The following BBOX1 variants were observed in gnomAD, a reference collection of about 807,000 sequenced individuals.
BBOX1 encodes the protein gamma-butyrobetaine hydroxylase 1, also known as gamma-butyrobetaine dioxygenase.
In BBOX1, 35 loss-of-function variants were observed where a neutral mutation model predicts 41.6. That is an observed-to-expected ratio of 0.84 (90% confidence interval 0.64 to 1.11). BBOX1 has a LOEUF of 1.11. BBOX1 is among the 50% of genes most tolerant of loss of function. The pLI is 0.00. For missense variants in BBOX1, 458 were observed against 460.6 expected, an observed-to-expected ratio of 0.99 and a Z score of 0.05; for synonymous variants, 163 against 154.7, an observed-to-expected ratio of 1.05 and a Z score of -0.40.
chr11:27,044,400 T>C (rs146943533), intron 2 of BBOX1, among the ~76,000 whole-genome samples: 136 of 152,308 alleles, frequency 8.9e-4, no homozygotes, highest in African/African-American at 3.2e-3. Context: ...CTATTCACTC[T>C]GATGATAGTT....
intron 7 of BBOX1, among the ~76,000 whole-genome samples, chr11:27,122,277 G>A (rs552424290): frequency 3.3e-5 from 5 of 151,934 alleles, no homozygotes; most frequent in African/African-American, 7.3e-5. Context: ...ATTCAATCAC[G>A]TAAATTCAAG....
chr11:27,067,192 CTTTT>C (rs1301326657), intron 4 of BBOX1, among the ~76,000 whole-genome samples: 3 of 151,786 alleles, frequency 2.0e-5, no homozygotes, highest in African/African-American at 7.3e-5. Flanking sequence ...TGAGAGTTTT[CTTTT>C]TTGTTTGTTT....
intron 2 of BBOX1, among the ~76,000 whole-genome samples, chr11:27,043,611 A>T (rs990686965): frequency 1.3e-5 from 2 of 152,068 alleles, no homozygotes; most frequent in African/African-American, 4.8e-5. Context: ...ACCCCGCCAC[A>T]GGCCCTGGTA....
At chr11:27,119,981 AG>A (rs944832721) in intron 7 of BBOX1, 136 bp downstream of exon 7, 2 of 527,310 alleles carry the variant, frequency 3.8e-6, no homozygotes, top group African/African-American at 4.0e-5. Context: ...CCAATTTTAG[AG>A]TGATAGTATT....
chr11:27,054,226 T>TGC (rs1564953601), intron 2 of BBOX1, among the ~76,000 whole-genome samples: 3 of 151,248 alleles, frequency 2.0e-5, no homozygotes, highest in African/African-American at 4.8e-5. Context: ...TGTGTGTGTG[T>TGC]GTGTGTGTGC....
intron 4 of BBOX1, among the ~76,000 whole-genome samples, chr11:27,068,173 T>C (rs574672171): frequency 6.6e-6 from 1 of 152,292 alleles, no homozygotes; most frequent in African/African-American, 2.4e-5. Flanking sequence ...ATAAAGATTG[T>C]CCTAATTTAC....
intron 7 of BBOX1, among the ~76,000 whole-genome samples, chr11:27,124,892 G>A (rs1381570278): frequency 1.3e-5 from 2 of 152,186 alleles, no homozygotes; most frequent in African/African-American, 2.4e-5. Context: ...TTGAGAAAGA[G>A]AATAGAGATC....
chr11:27,053,793 G>T (rs891777371), intron 2 of BBOX1, among the ~76,000 whole-genome samples: 4 of 152,056 alleles, frequency 2.6e-5, no homozygotes, highest in South Asian at 2.1e-4. Flanking sequence ...TATAATTTTT[G>T]ATTATTTTTA....
chr11:27,086,845 A>C (rs546011640), intron 4 of BBOX1, among the ~76,000 whole-genome samples: 1 of 152,242 alleles, frequency 6.6e-6, no homozygotes, highest in Admixed American at 6.6e-5. Context: ...AAAAATACTA[A>C]CATTAACAGG....
At chr11:27,055,912 C>T (rs770333526) in intron 3 of BBOX1, among the ~76,000 whole-genome samples, 1 of 152,054 alleles carries the variant, frequency 6.6e-6, no homozygotes, top group Non-Finnish European at 1.5e-5. Context: ...TGTAGAGATA[C>T]AAGGCTTGTT....
chr11:27,052,551 C>T (rs1354969562), intron 2 of BBOX1, among the ~76,000 whole-genome samples: 1 of 151,990 alleles, frequency 6.6e-6, no homozygotes, highest in African/African-American at 2.4e-5. Flanking sequence ...CCCTCATAGC[C>T]TTTTGTTCCA....
At chr11:27,086,156 T>C in intron 4 of BBOX1, among the ~76,000 whole-genome samples, 1 of 152,110 alleles carries the variant, frequency 6.6e-6, no homozygotes, top group South Asian at 2.1e-4. Context: ...ATCTGGAAGA[T>C]CTAGCTAAGA....
At chr11:27,104,977 A>G (rs961208787) in intron 5 of BBOX1, among the ~76,000 whole-genome samples, 12 of 152,298 alleles carry the variant, frequency 7.9e-5, no homozygotes, top group Non-Finnish European at 1.2e-4. Flanking sequence ...ACCTAGGAAA[A>G]CAGGGTCTGG....
intron 4 of BBOX1, among the ~76,000 whole-genome samples, chr11:27,088,542 C>T (rs1858126007): frequency 6.6e-6 from 1 of 151,864 alleles, no homozygotes; most frequent in African/African-American, 2.4e-5. Context: ...CTTTAAACAC[C>T]CATGCTTGAA....
intron 4 of BBOX1, among the ~76,000 whole-genome samples, chr11:27,061,881 C>T (rs747135909): frequency 1.3e-5 from 2 of 152,184 alleles, no homozygotes; most frequent in Non-Finnish European, 2.9e-5. Context: ...GTGCCAGGAC[C>T]TCTGTAAGGA....
rs561184919 is a variant in BBOX1, at chr11:27,065,141, G to A, written c.334+7826G>A. Among the ~76,000 whole-genome samples, 3 of 152,250 alleles carry A rather than the reference G, an allele frequency of 2.0e-5. No homozygotes were observed. The East Asian group carries it at 5.8e-4, about 29-fold the overall frequency. On this transcript the variant is annotated intron_variant, in intron 4 of 8. Transcript: ENST00000263182. ...CAAAGACAGCTTAGCCTAAGCCCAG[G>A]AATGATTAAGGGAAAGGCAAGATGG...
intron 5 of BBOX1, among the ~76,000 whole-genome samples, chr11:27,100,414 A>G (rs1858605999): frequency 6.6e-6 from 1 of 152,164 alleles, no homozygotes; most frequent in Non-Finnish European, 1.5e-5. Flanking sequence ...AAACTTGAGA[A>G]GAAGACAAAG....
At chr11:27,095,704 C>T (rs938493981) in intron 5 of BBOX1, among the ~76,000 whole-genome samples, 20 of 152,086 alleles carry the variant, frequency 1.3e-4, no homozygotes, top group African/African-American at 4.8e-4. Flanking sequence ...TAATTCTCTA[C>T]CTCAAGAACT....
At chr11:27,126,434 C>G (rs185787197) in intron 8 of BBOX1, among the ~76,000 whole-genome samples, 9 of 152,080 alleles carry the variant, frequency 5.9e-5, no homozygotes, top group Non-Finnish European at 1.3e-4. Context: ...ACAAAAAATA[C>G]AAGTTAGAAT....
Sources: gnomAD v4.1 joint callset for allele counts (sites outside exome capture counted in the v4.1 genomes callset) on GRCh38, gnomAD v4.1.1 for gene constraint, MANE v1.5 for transcripts, NCBI Gene and HGNC (gene_info 2026-07-23, HGNC 2026-07-21) for gene names.